The following GLI3 variants were observed in gnomAD, a reference collection of about 807,000 sequenced individuals.
The protein encoded by GLI3 is transcription activator GLI3.
A neutral mutation model predicts 100.8 loss-of-function variants in GLI3; 20 were observed. The observed-to-expected ratio is 0.20, with a 90% CI of 0.14 to 0.29. The LOEUF is 0.29. Ranked by LOEUF, GLI3 falls within the 10% of genes least tolerant of loss-of-function variation. The pLI, the probability that GLI3 is intolerant of heterozygous loss-of-function variation, is 1.00. For synonymous variants in GLI3, 938 were observed against 860.5 expected (o/e 1.09, Z -1.58); for missense variants, 2,040 against 2,128.5 (o/e 0.96, Z 0.82).
At chr7:41,969,789 G>C (rs1456155783) in intron 13 of GLI3, among the ~76,000 whole-genome samples, 1 of 152,206 alleles carries the variant, frequency 6.6e-6, no homozygotes. Flanking sequence ...TTTAAATAGA[G>C]ATTACATTGC....
chr7:42,018,720 G>A (rs1398188993), intron 10 of GLI3, among the ~76,000 whole-genome samples: 1 of 152,194 alleles, frequency 6.6e-6, no homozygotes, highest in East Asian at 1.9e-4. Flanking sequence ...ACTTCAGCAT[G>A]CTTTTAGAGA....
chr7:42,142,719 T>C (rs1382387532), intron 3 of GLI3, among the ~76,000 whole-genome samples: 1 of 151,628 alleles, frequency 6.6e-6, no homozygotes, highest in Admixed American at 6.6e-5. Context: ...ATGCAGCTCT[T>C]TAAAAGTCTA....
chr7:42,172,799 T>C, intron 2 of GLI3: 1 of 586,782 alleles, frequency 1.7e-6, no homozygotes. Context: ...GCACAAGCCA[T>C]TTATGACTCT....
At chr7:42,196,231 A>G (rs550503080) in intron 2 of GLI3, among the ~76,000 whole-genome samples, 9 of 152,226 alleles carry the variant, frequency 5.9e-5, no homozygotes, top group Non-Finnish European at 1.0e-4. Flanking sequence ...CTCTCAATGC[A>G]GGTACATCGT....
intron 2 of GLI3, among the ~76,000 whole-genome samples, chr7:42,173,790 G>A (rs1787425036): frequency 6.6e-6 from 1 of 152,208 alleles, no homozygotes; most frequent in Non-Finnish European, 1.5e-5. Context: ...GGGGAGATGA[G>A]GAAGCAAAGT....
chr7:42,258,732 G>A (rs1020704382), intron 1 of GLI3, among the ~76,000 whole-genome samples: 1 of 152,148 alleles, frequency 6.6e-6, no homozygotes, highest in Non-Finnish European at 1.5e-5. Context: ...GGTGAGGGAG[G>A]ACCCTTGGGC....
At chr7:42,237,301 T>C (rs1788828258), upstream of GLI3, among the ~76,000 whole-genome samples, 1 of 151,844 alleles carries the variant, frequency 6.6e-6, no homozygotes, top group Non-Finnish European at 1.5e-5. Context: ...CGATCCCTTC[T>C]GACTCACAAG....
At chr7:42,246,502 A>G (rs1458932524) in intron 1 of GLI3, among the ~76,000 whole-genome samples, 1 of 152,194 alleles carries the variant, frequency 6.6e-6, no homozygotes, top group Non-Finnish European at 1.5e-5. Context: ...CTTTCTTTCT[A>G]CTAGGCAAGG....
chr7:42,038,955 A>G (rs1460923266), intron 7 of GLI3, among the ~76,000 whole-genome samples: 1 of 152,226 alleles, frequency 6.6e-6, no homozygotes, highest in African/African-American at 2.4e-5. Context: ...AGAAACAAAC[A>G]AAACCTCACT....
At chr7:42,037,148 A>T (rs968281411) in intron 7 of GLI3, among the ~76,000 whole-genome samples, 1 of 150,594 alleles carries the variant, frequency 6.6e-6, no homozygotes, top group Non-Finnish European at 1.5e-5. Flanking sequence ...CTCAAAAAAA[A>T]ATAATAATAA....
chr7:42,212,152 A>G (rs1248744363), intron 2 of GLI3, among the ~76,000 whole-genome samples: 1 of 152,116 alleles, frequency 6.6e-6, no homozygotes, highest in African/African-American at 2.4e-5. Context: ...TCCCAATTGT[A>G]AGACTGTCAT....
intron 1 of GLI3, among the ~76,000 whole-genome samples, chr7:42,249,628 C>T (rs958536805): frequency 1.3e-5 from 2 of 152,172 alleles, no homozygotes. Flanking sequence ...TCATAGGGTG[C>T]TTGTGAGACC....
chr7:42,200,429 C>T (rs1016692462), intron 2 of GLI3, among the ~76,000 whole-genome samples: 12 of 152,034 alleles, frequency 7.9e-5, no homozygotes, highest in East Asian at 5.8e-4. Context: ...TAAGTACTTG[C>T]GGAAGAAGAA....
chr7:42,148,128 A>G, intron 3 of GLI3, 98 bp downstream of exon 3: 1 of 1,235,514 alleles, frequency 8.1e-7, no homozygotes, highest in African/African-American at 1.7e-5. Context: ...AAAACTTCAT[A>G]AAGCGCGCAC....
chr7:42,230,007 C>G (rs544645965), intron 1 of GLI3, among the ~76,000 whole-genome samples: 4 of 140,454 alleles, frequency 2.8e-5, no homozygotes, highest in African/African-American at 1.1e-4. Flanking sequence ...ATATGCATAA[C>G]CTTTGTGACA....
chr7:41,978,338 C>T (rs1787564815), intron 11 of GLI3, among the ~76,000 whole-genome samples: 1 of 152,206 alleles, frequency 6.6e-6, no homozygotes, highest in Admixed American at 6.5e-5. Context: ...CCCGTGGTAC[C>T]ATAAGCTGTT....
chr7:42,096,506 A>C (rs1380456994), intron 3 of GLI3, among the ~76,000 whole-genome samples: 2 of 152,148 alleles, frequency 1.3e-5, no homozygotes, highest in Non-Finnish European at 2.9e-5. Context: ...TTAAAAGGGG[A>C]GCAGGGTACA....
intron 3 of GLI3, among the ~76,000 whole-genome samples, chr7:42,116,867 G>T (rs1785873031): frequency 6.6e-6 from 1 of 151,750 alleles, no homozygotes; most frequent in Admixed American, 6.6e-5. Context: ...AAGACCGAGG[G>T]TGTCCTTTTC....
chr7:42,039,293 G>T (rs1583500343), intron 7 of GLI3, among the ~76,000 whole-genome samples: 1 of 152,266 alleles, frequency 6.6e-6, no homozygotes, highest in East Asian at 1.9e-4. Context: ...ATCATTAGCA[G>T]TAAGAAATAT....
Sources: allele counts gnomAD v4.1 joint callset (sites outside exome capture counted in the v4.1 genomes callset), GRCh38; gene constraint gnomAD v4.1.1; transcripts MANE v1.5; gene names NCBI Gene and HGNC (gene_info 2026-07-23, HGNC 2026-07-21).